Variants in DAB1 observed in about 807,000 individuals in gnomAD.
The protein encoded by DAB1 is DAB adaptor protein 1.
DAB1 carries 15 observed loss-of-function variants against 64.6 expected under a neutral mutation model. That is an observed-to-expected ratio of 0.23 (90% CI 0.16 to 0.36). DAB1 has a LOEUF of 0.36. DAB1 is among the 10% of genes least tolerant of loss of function. DAB1 has a pLI of 1.00. For missense variants in DAB1, 596 were observed against 706.7 expected (o/e 0.84, Z 1.78); for synonymous variants, 235 against 251.9 (o/e 0.93, Z 0.64).
chr1:58,018,096 A>G (rs1646767038), intron 5 of DAB1, among the ~76,000 whole-genome samples: 1 of 116,650 alleles, frequency 8.6e-6, no homozygotes, highest in Non-Finnish European at 1.8e-5. Flanking sequence ...ACTGCATTCT[A>G]AGTGCTTTTT....
chr1:57,547,813 C>A (rs1209050425), intron 7 of DAB1, among the ~76,000 whole-genome samples: 1 of 152,144 alleles, frequency 6.6e-6, no homozygotes, highest in Non-Finnish European at 1.5e-5. Flanking sequence ...TTAGGAGAAA[C>A]TGAGTGACGA....
rs533425245 is a variant in DAB1 at position 58,211,020 on chromosome 1, A to C, written n.310-60432T>G. On this transcript the variant is annotated intron_variant and non_coding_transcript_variant, in intron 4 of 20. Transcript: ENST00000485760. ...GAGAACCGATCTTGCAGTGGCCCTGAGGTAGTTTTCATGGCTTGATGGAGG... is the reference window on the plus strand; with the variant it reads ...GAGAACCGATCTTGCAGTGGCCCTGCGGTAGTTTTCATGGCTTGATGGAGG... Among the ~76,000 whole-genome samples the C allele has an allele frequency of 2.0e-4, 31 of 152,234 alleles. 1 individual carries two copies. The highest frequency in any genetic ancestry group is 7.5e-4 in the African/African-American group (31 of 41,546).
intron 7 of DAB1, among the ~76,000 whole-genome samples, chr1:57,539,678 T>C (rs960589075): frequency 1.3e-5 from 2 of 152,184 alleles, no homozygotes; most frequent in African/African-American, 4.8e-5. Context: ...TACTTCTGAA[T>C]GAATGAGTGG....
At chr1:58,220,971 G>A (rs955107046) in intron 4 of DAB1, among the ~76,000 whole-genome samples, 1 of 149,092 alleles carries the variant, frequency 6.7e-6, no homozygotes, top group Non-Finnish European at 1.5e-5. Context: ...GGCCAGCCCA[G>A]GTGGAAAGCT....
chr1:57,368,859 C>T (rs551489562), intron 1 of DAB1, among the ~76,000 whole-genome samples: 2 of 152,310 alleles, frequency 1.3e-5, no homozygotes, highest in South Asian at 4.1e-4. Context: ...TACTCCTGCC[C>T]TCCCACTGAA....
chr1:57,563,249 C>A (rs1165702498), intron 7 of DAB1, among the ~76,000 whole-genome samples: 1 of 152,210 alleles, frequency 6.6e-6, no homozygotes, highest in Non-Finnish European at 1.5e-5. Context: ...GTATTTTCTT[C>A]TTCTTTTGTT....
chr1:57,682,795 C>A, intron 6 of DAB1, among the ~76,000 whole-genome samples: 1 of 152,168 alleles, frequency 6.6e-6, no homozygotes, highest in Non-Finnish European at 1.5e-5. Flanking sequence ...CCCAGGACTT[C>A]CCATATCCCT....
chr1:57,116,245 C>A (rs1047172465), intron 4 of DAB1, among the ~76,000 whole-genome samples: 1 of 151,778 alleles, frequency 6.6e-6, no homozygotes, highest in Non-Finnish European at 1.5e-5. Context: ...AGGTGGATCA[C>A]AAGTTCAGGA....
intron 1 of DAB1, among the ~76,000 whole-genome samples, chr1:57,296,973 G>A (rs959545994): frequency 6.6e-6 from 1 of 152,146 alleles, no homozygotes; most frequent in Admixed American, 6.5e-5. Context: ...ATTATACAGT[G>A]GAGAAATTGG....
At position 57,012,001 on chromosome 1, in the gene DAB1, G is replaced by A. The variant is rs539851461; in HGVS notation, c.1445-729C>T. 4.0e-4 allele frequency among the ~76,000 whole-genome samples: 61 copies of A among 152,304 alleles called. 2 individuals are homozygous for A. The South Asian group carries it at 0.011, about 27-fold the overall frequency. On this transcript the variant is annotated intron_variant, in intron 12 of 14. Coordinates refer to ENST00000371236, the MANE Select transcript of DAB1 (RefSeq NM_001365792.1). ...TTGATTCTATAAGGACAAAGGATAC[G>A]CATTTTCTGGGCTGACCCACCCACA...
intron 6 of DAB1, among the ~76,000 whole-genome samples, chr1:57,685,692 G>T (rs1646688811): frequency 6.6e-6 from 1 of 151,794 alleles, no homozygotes. Flanking sequence ...TAAACAAATT[G>T]AAATAATACC....
chr1:57,534,727 C>G (rs1207387730), intron 7 of DAB1, among the ~76,000 whole-genome samples: 2 of 152,132 alleles, frequency 1.3e-5, no homozygotes, highest in Non-Finnish European at 2.9e-5. Context: ...TCTGCTTGCC[C>G]TTGCTCTCCT....
intron 7 of DAB1, among the ~76,000 whole-genome samples, chr1:57,479,610 T>C (rs1049218237): frequency 6.6e-6 from 1 of 152,138 alleles, no homozygotes; most frequent in African/African-American, 2.4e-5. Context: ...TGTCTCTCTA[T>C]ACTCCATGTC....
chr1:58,118,530 A>G (rs1180953264), intron 5 of DAB1, among the ~76,000 whole-genome samples: 1 of 129,616 alleles, frequency 7.7e-6, no homozygotes, highest in African/African-American at 3.0e-5. Context: ...ACATATATAT[A>G]TATAAAATAC....
intron 6 of DAB1, among the ~76,000 whole-genome samples, chr1:57,651,162 A>T (rs755391608): frequency 1.3e-5 from 2 of 152,166 alleles, no homozygotes; most frequent in South Asian, 4.1e-4. Flanking sequence ...AAAACAAAAA[A>T]AAAAAGATCT....
At chr1:57,625,501 TG>T (rs1645912053) in intron 7 of DAB1, among the ~76,000 whole-genome samples, 1 of 152,052 alleles carries the variant, frequency 6.6e-6, no homozygotes, top group African/African-American at 2.4e-5. Flanking sequence ...GCTAAGAAAG[TG>T]GAAGTATTAC....
At chr1:57,155,597 T>C (rs958243701) in intron 2 of DAB1, among the ~76,000 whole-genome samples, 12 of 152,060 alleles carry the variant, frequency 7.9e-5, no homozygotes, top group African/African-American at 4.8e-5. Context: ...GGTATTTTGA[T>C]AAGGATTGTA....
At chr1:58,334,334 A>G (rs1663047807) in intron 4 of DAB1, among the ~76,000 whole-genome samples, 1 of 152,246 alleles carries the variant, frequency 6.6e-6, no homozygotes. Context: ...AGCCCAACTG[A>G]TCCACGACGT....
intron 4 of DAB1, among the ~76,000 whole-genome samples, chr1:57,114,901 C>T (rs1655973713): frequency 1.3e-5 from 2 of 152,132 alleles, no homozygotes; most frequent in African/African-American, 2.4e-5. Flanking sequence ...CACCATGTTG[C>T]TTAACTTTGT....
Sources: gnomAD v4.1 joint callset for allele counts (sites outside exome capture counted in the v4.1 genomes callset) on GRCh38, gnomAD v4.1.1 for gene constraint, MANE v1.5 for transcripts, NCBI Gene and HGNC (gene_info 2026-07-23, HGNC 2026-07-21) for gene names.